Variants in TNRC6B observed in about 807,000 individuals in gnomAD.
TNRC6B encodes trinucleotide repeat-containing gene 6B protein.
Under a neutral mutation model 203.6 loss-of-function variants are expected in TNRC6B, and 52 were observed. The observed-to-expected ratio is 0.26, with a 90% CI of 0.20 to 0.32. The LOEUF (loss-of-function observed/expected upper bound fraction) is 0.32, where lower values mean the gene tolerates loss of function less well. Among genes scored for constraint, TNRC6B ranks in the 10% least tolerant of loss-of-function variants. The pLI is 1.00. For synonymous variants in TNRC6B, 838 were observed against 845.7 expected (o/e 0.99, Z 0.16); for missense variants, 1,923 against 2,286.2 (o/e 0.84, Z 3.24).
At chr22:40,273,646 G>A (rs1467470848) in intron 7 of TNRC6B, 46 bp downstream of exon 7, 2 of 1,498,080 alleles carry the variant, frequency 1.3e-6, no homozygotes, top group Non-Finnish European at 1.8e-6. Flanking sequence ...GCTCTGAGAA[G>A]GCAGAACTGA....
intron 3 of TNRC6B, among the ~76,000 whole-genome samples, chr22:40,135,573 T>C (rs1197812127): frequency 1.3e-5 from 2 of 152,226 alleles, no homozygotes; most frequent in Non-Finnish European, 2.9e-5. Context: ...TGATGATGGC[T>C]TGCTGAAACC....
At chr22:40,095,908 C>T (rs1329271993) in intron 1 of TNRC6B, among the ~76,000 whole-genome samples, 2 of 151,858 alleles carry the variant, frequency 1.3e-5, no homozygotes, top group Admixed American at 6.6e-5. Context: ...ATGCTCAAGG[C>T]GGATGTTATT....
intron 1 of TNRC6B, among the ~76,000 whole-genome samples, chr22:40,071,469 G>T (rs2067947283): frequency 6.6e-6 from 1 of 152,226 alleles, no homozygotes; most frequent in Admixed American, 6.5e-5. Flanking sequence ...ACCAGCGAAT[G>T]TGGAAGCTTA....
At chr22:40,082,706 TAGTC>T (rs2068071544) in intron 1 of TNRC6B, among the ~76,000 whole-genome samples, 1 of 152,102 alleles carries the variant, frequency 6.6e-6, no homozygotes, top group African/African-American at 2.4e-5. Flanking sequence ...GAGATGATAA[TAGTC>T]AGAGAAATGG....
At chr22:40,138,270 A>G (rs1274286709) in intron 3 of TNRC6B, among the ~76,000 whole-genome samples, 4 of 152,168 alleles carry the variant, frequency 2.6e-5, no homozygotes, top group Non-Finnish European at 4.4e-5. Flanking sequence ...TGTTACTGTT[A>G]TCGTTATTTT....
chr22:40,285,851 A>G (rs1159098723), intron 12 of TNRC6B, 81 bp downstream of exon 12: 4 of 1,528,900 alleles, frequency 2.6e-6, no homozygotes, highest in Non-Finnish European at 2.7e-6. Context: ...TTTTGTGGGC[A>G]TAAAAAGAAT....
intron 3 of TNRC6B, among the ~76,000 whole-genome samples, chr22:40,257,931 T>G (rs2070306688): frequency 6.6e-6 from 1 of 151,980 alleles, no homozygotes; most frequent in East Asian, 1.9e-4. Context: ...GGAGAATCAC[T>G]TGAACCTGGA....
At chr22:40,210,031 A>AAG (rs914043192) in intron 1 of TNRC6B, among the ~76,000 whole-genome samples, 1 of 150,702 alleles carries the variant, frequency 6.6e-6, no homozygotes, top group Admixed American at 6.6e-5. Context: ...AAAAAAAAAA[A>AAG]AGAGAGAATG....
intron 3 of TNRC6B, among the ~76,000 whole-genome samples, chr22:40,258,925 G>A (rs1601927278): frequency 6.6e-6 from 1 of 152,144 alleles, no homozygotes; most frequent in Non-Finnish European, 1.5e-5. Flanking sequence ...TCTGGATTGA[G>A]TTAAAAGTAT....
In TNRC6B at chr22:40,283,733, G is replaced by C. The variant is rs996234179; in HGVS notation, c.3583-1912G>C. Among the ~76,000 whole-genome samples the C allele has an allele frequency of 5.3e-5, 8 of 152,142 alleles. 1 individual carries two copies. The East Asian group carries it at 1.5e-3, about 29-fold the overall frequency. On this transcript the variant is annotated intron_variant, in intron 11 of 22. Coordinates refer to ENST00000454349, the MANE Select transcript of TNRC6B (RefSeq NM_001162501.2). The stretch of plus-strand genomic sequence containing the variant: ...TAATGAAAAGCCTAAAACCTATGGT[G>C]GGGGAGGGTGGAAATTGTCTACTGG...
intron 1 of TNRC6B, among the ~76,000 whole-genome samples, chr22:40,098,694 G>C (rs2068207862): frequency 6.6e-6 from 1 of 151,770 alleles, no homozygotes; most frequent in Non-Finnish European, 1.5e-5. Context: ...TTTACCCATG[G>C]TTTCATCTGC....
chr22:40,186,058 G>T (rs2069197824), intron 1 of TNRC6B, among the ~76,000 whole-genome samples: 1 of 152,142 alleles, frequency 6.6e-6, no homozygotes, highest in Non-Finnish European at 1.5e-5. Context: ...TAAAGACTTG[G>T]AAGGCTTCCA....
At chr22:40,151,865 G>GA (rs2033360589) in intron 3 of TNRC6B, among the ~76,000 whole-genome samples, 2 of 78,072 alleles carry the variant, frequency 2.6e-5, no homozygotes, top group African/African-American at 1.2e-4. Context: ...AGAAAAGAAA[G>GA]AAGAAAGAAA....
rs1196988272 is a variant in TNRC6B, at chr22:40,300,952, T to A, written c.3883T>A (p.Leu1295Ile). The A allele has an allele frequency of 2.5e-6, 4 of 1,613,594 alleles. No homozygotes were observed. The highest frequency in any genetic ancestry group is 2.7e-5 in the African/African-American group (2 of 74,866). The change falls in exon 14 of 23, where the codon TTA becomes ATA. Residue 1295 changes from leucine (L) to isoleucine (I), a missense_variant. This residue lies in a region of TNRC6B where 242 missense variants were observed against 399.5 expected (regional missense o/e 0.61). Coordinates refer to ENST00000454349, the MANE Select transcript of TNRC6B (RefSeq NM_001162501.2). ...LLQQQQQQQLLQNQRKISQAV... is the reference protein window; with the variant it reads ...LLQQQQQQQLIQNQRKISQAV... The stretch of plus-strand genomic sequence containing the variant: ...GCAGCAGCAGCAACAGCAGCAGTTG[T>A]TACAGAACCAGAGAAAGATTTCTCA...
Position 40,139,311 on chromosome 22 carries a change from G to A in TNRC6B, c.45+13449G>A, listed in dbSNP as rs1347194090. The stretch of plus-strand genomic sequence containing the variant: ...TTGAATGGCTGAATAATACCCTATT[G>A]CATGGGTGTACGCATTTTTTTTTTT... On this transcript the variant is annotated intron_variant, in intron 3 of 23. Coordinates refer to the TNRC6B transcript ENST00000301923. Among the ~76,000 whole-genome samples, 7 of 150,092 alleles carry A rather than the reference G, an allele frequency of 4.7e-5. No individual in the cohort carries two copies. The Admixed American group carries it at 4.7e-4, about 10-fold the overall frequency.
At chr22:40,214,254 G>A (rs998777207) in intron 1 of TNRC6B, among the ~76,000 whole-genome samples, 2 of 152,046 alleles carry the variant, frequency 1.3e-5, no homozygotes, top group Admixed American at 6.5e-5. Context: ...GGACTAGAGG[G>A]AGACTCCATC....
Position 40,223,848 on chromosome 22 carries a change from G to A in TNRC6B, c.6-22167G>A, listed in dbSNP as rs780562484. 2.0e-5 allele frequency among the ~76,000 whole-genome samples: 3 copies of A among 152,140 alleles called. No homozygotes were observed. In the South Asian group the frequency reaches 6.2e-4, roughly 31 times the overall value. ...TGATAGGTAGCTGCCAAATTGTCCC[G>A]TACAGAGATTGCACCCGTTTATATT... On this transcript the variant is annotated intron_variant, in intron 1 of 22. Coordinates refer to ENST00000454349, the MANE Select transcript of TNRC6B (RefSeq NM_001162501.2).
intron 1 of TNRC6B, among the ~76,000 whole-genome samples, chr22:40,196,360 G>A (rs2069337494): frequency 6.6e-6 from 1 of 151,846 alleles, no homozygotes; most frequent in Admixed American, 6.6e-5. Flanking sequence ...TTAATAATGT[G>A]ATCTTCTTCT....
At chr22:40,267,293 T>C (rs2070495162) in intron 5 of TNRC6B, among the ~76,000 whole-genome samples, 1 of 152,234 alleles carries the variant, frequency 6.6e-6, no homozygotes, top group Admixed American at 6.5e-5. Context: ...TCTGTAATTG[T>C]ATTGGTCTGC....
Sources: allele counts gnomAD v4.1 joint callset (sites outside exome capture counted in the v4.1 genomes callset), GRCh38; gene constraint gnomAD v4.1.1; regional missense constraint gnomAD v4.1.1; transcripts MANE v1.5; gene names NCBI Gene and HGNC (gene_info 2026-07-23, HGNC 2026-07-21).